PKNOX1: variants seen among roughly 807,000 people sequenced by gnomAD.
PKNOX1 encodes homeobox protein PKNOX1.
PKNOX1 carries 15 observed loss-of-function variants against 51.9 expected under a neutral mutation model. The observed-to-expected ratio is 0.29, with a 90% confidence interval of 0.19 to 0.45. The LOEUF (loss-of-function observed/expected upper bound fraction) is 0.45. Among genes scored for constraint, PKNOX1 ranks in the 20% least tolerant of loss-of-function variants. The probability of loss-of-function intolerance (pLI) is 1.00; values close to 1 mark genes in which losing one functional copy is unlikely to be tolerated. For missense variants in PKNOX1, 462 were observed against 547.5 expected (o/e 0.84, Z 1.56); for synonymous variants, 219 against 211.1 (o/e 1.04, Z -0.32).
intron 1 of PKNOX1, among the ~76,000 whole-genome samples, chr21:42,983,316 C>G (rs2059036304): frequency 2.6e-5 from 4 of 151,870 alleles, no homozygotes. Context: ...CCTGAAGCCC[C>G]TGGCAACCAC....
intron 7 of PKNOX1, chr21:43,020,392 G>A (rs968119168): frequency 6.6e-6 from 1 of 152,322 alleles, no homozygotes; most frequent in Non-Finnish European, 1.5e-5. Context: ...CTGTGTGAGG[G>A]AGGCCGTGCC....
At chr21:43,002,712 T>C (rs1452057687) in intron 1 of PKNOX1, among the ~76,000 whole-genome samples, 1 of 152,124 alleles carries the variant, frequency 6.6e-6, no homozygotes, top group Non-Finnish European at 1.5e-5. Flanking sequence ...CTTGTTCCTT[T>C]TTCTTTCATT....
chr21:42,984,066 G>A (rs1293307561), intron 1 of PKNOX1, among the ~76,000 whole-genome samples: 10 of 40,552 alleles, frequency 2.5e-4, no homozygotes, highest in African/African-American at 3.2e-4. Context: ...ACATGCATAC[G>A]TGTGTGCGTG....
Position 43,032,113 on chromosome 21 carries a change from G to A in PKNOX1, c.*2012G>A. ...GACCTCAGGTGATCTGCCTGCCTCA[G>A]CCTCCCAAAGTGCTGGGATTACAGG... On this transcript the variant is annotated 3_prime_UTR_variant, in exon 11 of 11. Coordinates refer to ENST00000291547, the MANE Select transcript of PKNOX1 (RefSeq NM_004571.5). The A allele has an allele frequency of 2.2e-6, 1 of 453,358 alleles. No individual in the cohort carries two copies. The highest frequency in any genetic ancestry group is 4.4e-6 in the Non-Finnish European group (1 of 225,436). The allele number at this position is 453,358 out of a possible 1,614,324, so 28.1% of individuals were successfully genotyped here.
intron 5 of PKNOX1, among the ~76,000 whole-genome samples, chr21:43,014,048 G>T (rs1234983869): frequency 7.9e-6 from 1 of 127,172 alleles, no homozygotes. Flanking sequence ...TTGAGACAGA[G>T]TCTCGCTCCA....
intron 9 of PKNOX1, among the ~76,000 whole-genome samples, chr21:43,025,557 T>C (rs1979952511): frequency 6.6e-6 from 1 of 152,230 alleles, no homozygotes; most frequent in Non-Finnish European, 1.5e-5. Flanking sequence ...AACATTGCTG[T>C]GGACACTTAG....
In PKNOX1 at chr21:43,021,534, A is replaced by G; in HGVS notation, c.849+103A>G. On this transcript the variant is annotated intron_variant, in intron 8 of 10. Transcript: ENST00000291547. This position sits in a 1 kb window ranked among gnomAD's most constrained non-coding sequence, Gnocchi z 4.6. ...GTTACTTCTCTGGGCTCAGAAAATCAAAGGCCTGACTTTCAGGACTTTGTG... is the reference window on the plus strand; with the variant it reads ...GTTACTTCTCTGGGCTCAGAAAATCGAAGGCCTGACTTTCAGGACTTTGTG... The G allele has an allele frequency of 7.4e-7, 1 of 1,347,020 alleles. No individual in the cohort carries two copies. Among genetic ancestry groups the G allele is most frequent in the Non-Finnish European group, 1.0e-6 (1 of 995,418 alleles). 83.4% of individuals were successfully genotyped at this position (1,347,020 alleles called of 1,614,324 possible). A position where few individuals can be genotyped will look rare whatever the true frequency, so the allele number is the denominator to read the frequency against.
At chr21:42,987,404 A>AATATATATATATATATATATATATATAT (rs1170402960) in intron 1 of PKNOX1, among the ~76,000 whole-genome samples, 5 of 41,398 alleles carry the variant, frequency 1.2e-4, no homozygotes, top group Non-Finnish European at 1.9e-4. Flanking sequence ...AAAAAAAAAA[A>AATATATATATATATATATATATATATAT]ATATATATAT....
intron 1 of PKNOX1, among the ~76,000 whole-genome samples, chr21:42,976,738 C>T (rs375776730): frequency 6.6e-5 from 10 of 152,326 alleles, no homozygotes; most frequent in African/African-American, 2.4e-4. Context: ...GTCTTGAACT[C>T]CTCCAAGTCA....
chr21:42,976,878 A>G (rs747019039), intron 1 of PKNOX1, among the ~76,000 whole-genome samples: 5 of 152,236 alleles, frequency 3.3e-5, no homozygotes, highest in African/African-American at 4.8e-5. Context: ...GCCCAGATTC[A>G]TGCGAGGAAT....
At chr21:43,013,011 G>A in intron 4 of PKNOX1, 57 bp from the exon 5 acceptor site, 1 of 1,408,448 alleles carries the variant, frequency 7.1e-7, no homozygotes, top group Non-Finnish European at 9.8e-7. Context: ...GTAGGATCAT[G>A]ATAACTTACA....
At chr21:43,006,581 T>C (rs562038385) in intron 2 of PKNOX1, among the ~76,000 whole-genome samples, 1 of 152,308 alleles carries the variant, frequency 6.6e-6, no homozygotes, top group East Asian at 1.9e-4. Flanking sequence ...AGTCATCTTA[T>C]TGCAAAAACA....
chr21:43,013,736 A>G (rs557404724), intron 5 of PKNOX1, among the ~76,000 whole-genome samples: 3 of 152,002 alleles, frequency 2.0e-5, no homozygotes, highest in Non-Finnish European at 4.4e-5. Flanking sequence ...CCACCGTTCT[A>G]CTGTCTGTCT....
chr21:42,984,974 CTTTTTTTTTTTTTTTTT>C (rs71195904), intron 1 of PKNOX1, among the ~76,000 whole-genome samples: 4 of 57,998 alleles, frequency 6.9e-5, no homozygotes, highest in African/African-American at 2.1e-4. Flanking sequence ...ATTTTCTTTT[CTTTTTTTTTTTTTTTTT>C]TTTTTTTTTT....
At chr21:43,015,001 T>C (rs949604516) in intron 5 of PKNOX1, among the ~76,000 whole-genome samples, 1 of 152,276 alleles carries the variant, frequency 6.6e-6, no homozygotes, top group African/African-American at 2.4e-5. Flanking sequence ...TCCACAGGTA[T>C]GGCATGTCTC....
chr21:43,016,511 T>G lies in PKNOX1; in HGVS notation c.523-397T>G, dbSNP rs191588011. 6.6e-4 allele frequency among the ~76,000 whole-genome samples: 101 copies of G among 152,330 alleles called. 1 individual carries two copies. The highest frequency in any genetic ancestry group is 2.3e-3 in the South Asian group (11 of 4,822). Reference sequence around the variant, plus strand: ...GCCTGTGCTATAATCTCTTGAATGCTCTTATCGGTCAGGGAGAGCTTGGTT... The same window carrying G: ...GCCTGTGCTATAATCTCTTGAATGCGCTTATCGGTCAGGGAGAGCTTGGTT... On this transcript the variant is annotated intron_variant, in intron 5 of 10. Transcript: ENST00000291547.
rs537719415 is a variant in PKNOX1 at position 43,011,414 on chromosome 21, C to A, written c.351+1190C>A. Among the ~76,000 whole-genome samples, 30 of 152,276 alleles carry A rather than the reference C, an allele frequency of 2.0e-4. No homozygotes were observed. In the South Asian group the frequency reaches 5.6e-3, roughly 28 times the overall value. ...ACAGTGATTTGTGATGCCCTCCCCC[C>A]AGGGCCAGGGCTCCAAAATCCAGCG... On this transcript the variant is annotated intron_variant, in intron 4 of 10. Transcript: ENST00000291547.
chr21:43,021,572 T>G lies in PKNOX1; in HGVS notation c.849+141T>G. ...TCAGGACTTTGTGGCATGTCCATAATGTGGGGAGCGTGGGGCACTGCTGCA... is the reference window on the plus strand; with the variant it reads ...TCAGGACTTTGTGGCATGTCCATAAGGTGGGGAGCGTGGGGCACTGCTGCA... On this transcript the variant is annotated intron_variant, in intron 8 of 10. Transcript: ENST00000291547. The surrounding 1 kb of genome is among the most constrained non-coding windows in gnomAD (Gnocchi z 4.6). 9.7e-7 allele frequency: 1 copy of G among 1,035,508 alleles called. No homozygotes were observed. Among genetic ancestry groups the G allele is most frequent in the Non-Finnish European group, 1.4e-6 (1 of 731,536 alleles). 64.1% of individuals were successfully genotyped at this position (1,035,508 alleles called of 1,614,324 possible).
Position 43,020,817 on chromosome 21 carries a change from A to G in PKNOX1, c.721-486A>G, listed in dbSNP as rs544561205. 3.9e-5 allele frequency among the ~76,000 whole-genome samples: 6 copies of G among 152,352 alleles called. No individual in the cohort carries two copies. The East Asian group carries it at 1.2e-3, about 29-fold the overall frequency. On this transcript the variant is annotated intron_variant, in intron 7 of 10. Transcript: ENST00000291547. The stretch of plus-strand genomic sequence containing the variant: ...GGAACAGGTGGTGGGTGAGAGGACC[A>G]CGGCATTCCTGCCTGCAGAGGATGG...
Sources: allele counts gnomAD v4.1 joint callset (sites outside exome capture counted in the v4.1 genomes callset), GRCh38; gene constraint gnomAD v4.1.1; non-coding constraint Gnocchi (gnomAD v3.1); transcripts MANE v1.5; gene names NCBI Gene and HGNC (gene_info 2026-07-23, HGNC 2026-07-21).